DNAJB4: variants seen among roughly 807,000 people sequenced by gnomAD.
DNAJB4 encodes the protein DnaJ heat shock protein family (Hsp40) member B4.
In DNAJB4, 10 loss-of-function variants were observed where a neutral mutation model predicts 26.6. The ratio of observed to expected loss-of-function variants is 0.38; its 90% CI spans 0.23 to 0.64. DNAJB4 has a LOEUF of 0.64. Ranked by LOEUF, DNAJB4 falls within the 30% of genes least tolerant of loss-of-function variation. The pLI is 0.58. For synonymous variants in DNAJB4, 136 were observed against 134.8 expected, an observed-to-expected ratio of 1.01 and a Z score of -0.06; for missense variants, 328 against 408.2, an observed-to-expected ratio of 0.80 and a Z score of 1.69.
At chr1:77,988,808 C>T (rs776244405) in intron 1 of DNAJB4, among the ~76,000 whole-genome samples, 39 of 152,116 alleles carry the variant, frequency 2.6e-4, no homozygotes, top group Admixed American at 1.4e-3. Flanking sequence ...TTGTATCTCC[C>T]CCTACTAGAA....
chr1:78,010,368 A>C (rs954506271), intron 1 of DNAJB4, among the ~76,000 whole-genome samples: 1 of 152,002 alleles, frequency 6.6e-6, no homozygotes, highest in African/African-American at 2.4e-5. Context: ...CTTGAGCTAC[A>C]TATTATTCTA....
chr1:78,013,814 A>G (rs1453781097), intron 2 of DNAJB4, among the ~76,000 whole-genome samples, 195 bp downstream of exon 2: 1 of 152,120 alleles, frequency 6.6e-6, no homozygotes, highest in Non-Finnish European at 1.5e-5. Context: ...TTAGTTACTT[A>G]TAATTAAAGT....
At chr1:78,004,322 T>G (rs1298127045), upstream of DNAJB4, 1 of 152,232 alleles carries the variant, frequency 6.6e-6, no homozygotes, top group Non-Finnish European at 1.5e-5. Context: ...AAATAACTAG[T>G]TAGCTAAAAT....
chr1:77,993,444 G>C (rs1006827099), intron 1 of DNAJB4, among the ~76,000 whole-genome samples: 2 of 152,000 alleles, frequency 1.3e-5, no homozygotes, highest in Non-Finnish European at 1.5e-5. Flanking sequence ...CTCCCAAGTA[G>C]CTGGGACTAC....
At chr1:78,015,354 C>T (rs965467739) in intron 2 of DNAJB4, among the ~76,000 whole-genome samples, 1 of 152,004 alleles carries the variant, frequency 6.6e-6, no homozygotes, top group East Asian at 1.9e-4. Context: ...ATCCCTGCAT[C>T]TTGAATATAT....
At position 78,005,208 on chromosome 1, in the gene DNAJB4, C is replaced by T. The variant is rs1474494537; in HGVS notation, c.98C>T (p.Pro33Leu). The T allele has an allele frequency of 1.9e-6, 3 of 1,613,828 alleles. No individual in the cohort carries two copies. Among genetic ancestry groups the T allele is most frequent in the Non-Finnish European group, 2.5e-6 (3 of 1,179,958 alleles). The change falls in exon 1 of 3, where the codon CCG (proline) becomes CTG (leucine). Residue 33 changes from proline to leucine, a missense_variant. Physicochemically the swap from Pro to Leu is moderately conservative, Grantham distance 98 (BLOSUM62 -3). Transcript: ENST00000370763. ...AYRKQALKFHPDKNKSPQAEE... is the reference protein window; with the variant it reads ...AYRKQALKFHLDKNKSPQAEE... ...CGAAAACAAGCCCTCAAATTTCATC[C>T]GGACAAGAACAAATCTCCTCAGGCA... is the stretch of plus-strand genomic sequence containing the variant.
At chr1:77,982,198 C>A (rs192946641) in intron 1 of DNAJB4, among the ~76,000 whole-genome samples, 1 of 152,128 alleles carries the variant, frequency 6.6e-6, no homozygotes, top group African/African-American at 2.4e-5. Context: ...TAAATTGATC[C>A]TATACTTGTT....
At chr1:77,989,223 C>T (rs1279079252) in intron 1 of DNAJB4, among the ~76,000 whole-genome samples, 2 of 152,156 alleles carry the variant, frequency 1.3e-5, no homozygotes, top group East Asian at 3.8e-4. Flanking sequence ...TTATTCACGT[C>T]TCATCTACTG....
chr1:78,014,256 C>T (rs1385759645), intron 2 of DNAJB4, among the ~76,000 whole-genome samples: 1 of 151,662 alleles, frequency 6.6e-6, no homozygotes, highest in Non-Finnish European at 1.5e-5. Context: ...TACAGGCGCC[C>T]CCCACCACAC....
intron 2 of DNAJB4, among the ~76,000 whole-genome samples, 165 bp from the exon 3 acceptor site, chr1:78,015,849 T>G (rs948355629): frequency 1.3e-5 from 2 of 152,112 alleles, no homozygotes; most frequent in Non-Finnish European, 2.9e-5. Flanking sequence ...GTGCCTGACC[T>G]CTGAAGGAAT....
At chr1:77,994,641 C>T (rs1660018780) in intron 1 of DNAJB4, among the ~76,000 whole-genome samples, 1 of 149,926 alleles carries the variant, frequency 6.7e-6, no homozygotes, top group Non-Finnish European at 1.5e-5. Flanking sequence ...GATGACATCT[C>T]AGGCCACATA....
intron 1 of DNAJB4, among the ~76,000 whole-genome samples, chr1:77,988,942 T>C (rs1021269904): frequency 6.6e-5 from 10 of 152,176 alleles, no homozygotes; most frequent in Non-Finnish European, 1.5e-4. Flanking sequence ...TCATTCTGGT[T>C]TCAGCTGGGT....
chr1:77,987,925 CAT>C (rs1177014513), intron 1 of DNAJB4, among the ~76,000 whole-genome samples: 1 of 146,614 alleles, frequency 6.8e-6, no homozygotes, highest in African/African-American at 2.5e-5. Context: ...TATATATGTA[CAT>C]ATATATACAT....
intron 1 of DNAJB4, among the ~76,000 whole-genome samples, chr1:78,010,730 T>G (rs1660445131): frequency 6.6e-6 from 1 of 152,216 alleles, no homozygotes; most frequent in Non-Finnish European, 1.5e-5. Context: ...ACTAAGTTTC[T>G]TTAAAGTATG....
At chr1:77,982,674 T>A (rs1288583370) in intron 1 of DNAJB4, among the ~76,000 whole-genome samples, 1 of 152,224 alleles carries the variant, frequency 6.6e-6, no homozygotes, top group Non-Finnish European at 1.5e-5. Flanking sequence ...AGCGGACGCC[T>A]GTAATCCCAG....
intron 1 of DNAJB4, among the ~76,000 whole-genome samples, chr1:78,008,277 A>G (rs1391911975): frequency 6.6e-6 from 1 of 152,224 alleles, no homozygotes; most frequent in Non-Finnish European, 1.5e-5. Flanking sequence ...ATGTCCACAC[A>G]AAGACATGTA....
intron 1 of DNAJB4, among the ~76,000 whole-genome samples, chr1:77,982,659 A>G (rs966211173): frequency 2.0e-5 from 3 of 152,168 alleles, no homozygotes; most frequent in Admixed American, 6.5e-5. Context: ...TTAGCTGGGC[A>G]TGGTAGCGGA....
At chr1:77,989,900 G>A (rs1325366879) in intron 1 of DNAJB4, among the ~76,000 whole-genome samples, 1 of 152,242 alleles carries the variant, frequency 6.6e-6, no homozygotes, top group Non-Finnish European at 1.5e-5. Flanking sequence ...ACAGGATGCA[G>A]TGCTGGGGTT....
At chr1:77,979,477 A>G (rs1384962503), upstream of DNAJB4, 1 of 157,770 alleles carries the variant, frequency 6.3e-6, no homozygotes, top group African/African-American at 2.4e-5. Context: ...GGGCGTGACA[A>G]CGACGGGCGT....
Sources: gnomAD v4.1 joint callset for allele counts (sites outside exome capture counted in the v4.1 genomes callset) on GRCh38, gnomAD v4.1.1 for gene constraint, MANE v1.5 for transcripts, NCBI Gene and HGNC (gene_info 2026-07-23, HGNC 2026-07-21) for gene names.